Variants in SYTL5 observed in about 807,000 individuals in gnomAD.
SYTL5 encodes the protein synaptotagmin-like protein 5.
A neutral mutation model predicts 55.9 loss-of-function variants in SYTL5; 34 were observed. That is an observed-to-expected ratio of 0.61 (90% confidence interval 0.46 to 0.81). The LOEUF is 0.81. Among genes scored for constraint, SYTL5 ranks in the 30% least tolerant of loss-of-function variants. The probability of loss-of-function intolerance (pLI) is 0.00; values close to 1 mark genes in which losing one functional copy is unlikely to be tolerated. For missense variants in SYTL5, 637 were observed against 546.7 expected (o/e 1.17, Z -1.65); for synonymous variants, 221 against 188.7 (o/e 1.17, Z -1.40).
intron 1 of SYTL5, among the ~76,000 whole-genome samples, chrX:38,032,540 G>T (rs73632429): frequency 0.054 from 6,018 of 111,213 alleles, 139 homozygotes; most frequent in African/African-American, 0.079. Flanking sequence ...CATTGAAGCC[G>T]CTGTGTTCTC....
chrX:37,909,718 A>T, the SYTL5 span, among the ~76,000 whole-genome samples: 1 of 108,758 alleles, frequency 9.2e-6, no homozygotes, highest in Non-Finnish European at 1.9e-5. Flanking sequence ...GTTGTTGCCC[A>T]GGCTGGAGTG....
intron 6 of SYTL5, among the ~76,000 whole-genome samples, chrX:38,083,774 A>ATATGTGTGTG (rs1936597010): frequency 1.1e-5 from 1 of 94,327 alleles, no homozygotes; most frequent in South Asian, 5.8e-4. Context: ...AAATAGACTC[A>ATATGTGTGTG]TGTGTGTGTG....
the SYTL5 span, among the ~76,000 whole-genome samples, chrX:37,998,188 C>T: frequency 1.8e-5 from 2 of 112,568 alleles, no homozygotes; most frequent in Non-Finnish European, 3.8e-5. Context: ...TGTTGGTGTA[C>T]CTCATTCTTC....
chrX:37,995,446 A>T, the SYTL5 span, among the ~76,000 whole-genome samples: 1 of 111,715 alleles, frequency 9.0e-6, no homozygotes, highest in Non-Finnish European at 1.9e-5. Flanking sequence ...CATGATTTCC[A>T]CTGAACCTTA....
chrX:38,039,294 T>C (rs1192259039), intron 2 of SYTL5, among the ~76,000 whole-genome samples: 2 of 112,557 alleles, frequency 1.8e-5, no homozygotes, highest in Non-Finnish European at 3.8e-5. Flanking sequence ...CTCAAATTTA[T>C]TGACGGCTTT....
At chrX:37,956,443 G>A in the SYTL5 span, among the ~76,000 whole-genome samples, 1 of 112,027 alleles carries the variant, frequency 8.9e-6, no homozygotes, top group Admixed American at 9.4e-5. Flanking sequence ...AATAGCAAGT[G>A]CCCATTTCCC....
At chrX:37,954,766 C>T in the SYTL5 span, among the ~76,000 whole-genome samples, 2 of 111,306 alleles carry the variant, frequency 1.8e-5, no homozygotes, top group Admixed American at 9.6e-5. Context: ...TCACCACACA[C>T]GTACGCACAC....
the SYTL5 span, among the ~76,000 whole-genome samples, chrX:37,936,370 A>G: frequency 1.8e-5 from 2 of 112,485 alleles, no homozygotes; most frequent in South Asian, 7.4e-4. Flanking sequence ...GATATCTGTT[A>G]TAGAAATTAA....
At chrX:37,957,199 T>C in the SYTL5 span, among the ~76,000 whole-genome samples, 1 of 111,840 alleles carries the variant, frequency 8.9e-6, no homozygotes, top group Admixed American at 9.5e-5. Flanking sequence ...TTATCAGATA[T>C]ATAGTTCGCA....
chrX:37,944,468 T>C, the SYTL5 span, among the ~76,000 whole-genome samples: 6 of 111,726 alleles, frequency 5.4e-5, no homozygotes, highest in Admixed American at 2.9e-4. Context: ...TAAACCTCTA[T>C]AGCAGGAATT....
the SYTL5 span, chrX:37,906,309 C>G: frequency 2.7e-5 from 3 of 112,172 alleles, no homozygotes; most frequent in Non-Finnish European, 5.6e-5. Context: ...AAAATCTATG[C>G]TCAGACCCCA....
the SYTL5 span, among the ~76,000 whole-genome samples, chrX:37,968,986 G>C: frequency 1.8e-5 from 2 of 111,650 alleles, no homozygotes; most frequent in East Asian, 5.6e-4. Context: ...ATAGTTAATT[G>C]GTTTTGCCCT....
intron 2 of SYTL5, among the ~76,000 whole-genome samples, chrX:38,047,754 T>G (rs1055763813): frequency 8.9e-6 from 1 of 112,128 alleles, no homozygotes. Flanking sequence ...CTGAATGCTT[T>G]TAACAGCACC....
intron 6 of SYTL5, among the ~76,000 whole-genome samples, chrX:38,080,315 T>C (rs1445016691): frequency 1.8e-5 from 2 of 112,211 alleles, no homozygotes; most frequent in Non-Finnish European, 3.8e-5. Flanking sequence ...TGTTTCTCAG[T>C]AGCGTTTCTA....
chrX:37,989,109 A>T, the SYTL5 span, among the ~76,000 whole-genome samples: 1 of 112,193 alleles, frequency 8.9e-6, no homozygotes, highest in Non-Finnish European at 1.9e-5. Context: ...GGGCGTGGCT[A>T]GACATCCTTT....
chrX:37,928,935 T>G, the SYTL5 span, among the ~76,000 whole-genome samples: 486 of 112,468 alleles, frequency 4.3e-3, 3 homozygotes, highest in African/African-American at 0.015. Flanking sequence ...TAGTCATATG[T>G]GCTTTAGAAT....
At position 38,122,263 on chromosome X, in the gene SYTL5, A is replaced by G. The variant is rs146614926; in HGVS notation, c.1841+48A>G. On this transcript the variant is annotated intron_variant, in intron 15 of 16. Transcript: ENST00000297875. ...TGGATGATACTTAATAGGAGATGAA[A>G]GGATCTGTGATCCACAAGCCACTGG... is the stretch of plus-strand genomic sequence containing the variant. 2.0e-3 allele frequency: 2,201 copies of G among 1,125,606 alleles called. 27 individuals carry two copies. The African/African-American group carries it at 0.034, about 18-fold the overall frequency. The allele number at this position is 1,125,606 out of a possible 1,213,427, so 92.8% of individuals were successfully genotyped here.
At chrX:37,995,533 T>C in the SYTL5 span, among the ~76,000 whole-genome samples, 3 of 112,309 alleles carry the variant, frequency 2.7e-5, no homozygotes, top group Non-Finnish European at 3.8e-5. Flanking sequence ...AGAGCATTCC[T>C]AGCTTTAGCC....
the SYTL5 span, among the ~76,000 whole-genome samples, chrX:37,925,464 T>C: frequency 1.5e-4 from 17 of 111,846 alleles, no homozygotes; most frequent in Non-Finnish European, 2.1e-4. Flanking sequence ...CTGTTTACTG[T>C]TTTCTGTAGC....
Sources: gnomAD v4.1 joint callset for allele counts (sites outside exome capture counted in the v4.1 genomes callset) on GRCh38, gnomAD v4.1.1 for gene constraint, MANE v1.5 for transcripts, NCBI Gene and HGNC (gene_info 2026-07-23, HGNC 2026-07-21) for gene names.